The following TRIM36 variants were observed in gnomAD, a reference collection of about 807,000 sequenced individuals.
The protein encoded by TRIM36 is tripartite motif containing 36.
In TRIM36, 42 loss-of-function variants were observed where a neutral mutation model predicts 72.4. The ratio of observed to expected loss-of-function variants is 0.58; its 90% CI spans 0.45 to 0.75. TRIM36 has a LOEUF of 0.75. TRIM36 is among the 30% of genes least tolerant of loss of function. The pLI, the probability that TRIM36 is intolerant of heterozygous loss-of-function variation, is 0.00. For missense variants in TRIM36, 913 were observed against 857.1 expected (o/e 1.07, Z -0.81); for synonymous variants, 315 against 282.8 (o/e 1.11, Z -1.14).
intron 9 of TRIM36, among the ~76,000 whole-genome samples, chr5:115,128,096 G>GGC (rs1554060427): frequency 6.7e-6 from 1 of 148,410 alleles, no homozygotes; most frequent in African/African-American, 2.5e-5. Flanking sequence ...AATTGGGGGG[G>GGC]GCCAGGAGTG....
rs1287406833 is a variant in TRIM36 at position 115,130,896 on chromosome 5, G to A, written c.1499-7C>T. ...TCAAAGAGGAAGCTGAAAACTAAAT[G>A]GAGCTTAAAATTAATATCAGGCTAA... is the stretch of plus-strand genomic sequence containing the variant. On this transcript the variant is annotated splice_region_variant and splice_polypyrimidine_tract_variant and intron_variant, in intron 8 of 9. Transcript: ENST00000513154. 6.3e-7 allele frequency: 1 copy of A among 1,598,966 alleles called. No homozygotes were observed. The highest frequency in any genetic ancestry group is 8.5e-7 in the Non-Finnish European group (1 of 1,171,576).
chr5:115,126,927 A>G (rs1752389241), intron 9 of TRIM36, 70 bp from the exon 10 acceptor site: 36 of 1,398,494 alleles, frequency 2.6e-5, no homozygotes, highest in Non-Finnish European at 3.4e-5. Context: ...TTTTCACAGG[A>G]TAATATACAT....
intron 3 of TRIM36, among the ~76,000 whole-genome samples, chr5:115,145,921 G>T (rs938524914): frequency 1.3e-5 from 2 of 152,158 alleles, no homozygotes; most frequent in African/African-American, 4.8e-5. Flanking sequence ...ATATTCCATA[G>T]CATTTGCCTA....
intron 4 of TRIM36, among the ~76,000 whole-genome samples, chr5:115,144,092 T>G (rs1045608156): frequency 2.0e-5 from 3 of 151,988 alleles, no homozygotes; most frequent in African/African-American, 7.3e-5. Flanking sequence ...GCCAGGATGG[T>G]CTCGATCTCC....
At chr5:115,177,291 G>C (rs996915697) in intron 1 of TRIM36, 1 of 163,016 alleles carries the variant, frequency 6.1e-6, no homozygotes, top group Admixed American at 5.8e-5. Context: ...ATTATGTACA[G>C]AGCTTGAGAA....
At chr5:115,145,502 A>G (rs1469857156) in intron 3 of TRIM36, among the ~76,000 whole-genome samples, 2 of 151,172 alleles carry the variant, frequency 1.3e-5, no homozygotes, top group African/African-American at 4.9e-5. Flanking sequence ...AACTTGTCTG[A>G]TAACTTACAG....
intron 5 of TRIM36, among the ~76,000 whole-genome samples, chr5:115,139,084 G>A (rs1038272674): frequency 2.0e-5 from 3 of 151,814 alleles, no homozygotes; most frequent in Admixed American, 6.6e-5. Context: ...CTCTCAAAGT[G>A]CTGGGATTAC....
intron 5 of TRIM36, among the ~76,000 whole-genome samples, chr5:115,139,192 C>T (rs894553491): frequency 1.3e-5 from 2 of 150,930 alleles, no homozygotes; most frequent in Admixed American, 1.3e-4. Flanking sequence ...GTGATCTTGG[C>T]TCACTGCAAC....
At chr5:115,131,509 G>GT (rs1322232165) in intron 8 of TRIM36, among the ~76,000 whole-genome samples, 1 of 152,140 alleles carries the variant, frequency 6.6e-6, no homozygotes, top group African/African-American at 2.4e-5. Context: ...CCATAAGTCT[G>GT]TATCAACTCA....
chr5:115,166,961 C>T lies in TRIM36; in HGVS notation c.27+2647G>A, dbSNP rs114475919. Among the ~76,000 whole-genome samples the T allele has an allele frequency of 3.6e-3, 542 of 152,320 alleles. 2 individuals are homozygous for T. Among genetic ancestry groups the T allele is most frequent in the African/African-American group, 0.012 (497 of 41,562 alleles). On this transcript the variant is annotated intron_variant, in intron 1 of 9. Transcript: ENST00000513154. ...GCCTGGCTGTGCACACTGTACCCCG[C>T]GCTCGCTCACTCATGCACCCCTTGC...
intron 1 of TRIM36, chr5:115,177,997 TTTTG>T (rs1013866482): frequency 1.7e-5 from 16 of 959,954 alleles, no homozygotes; most frequent in Non-Finnish European, 2.3e-5. Context: ...TCTGAGAGGG[TTTTG>T]TTTTTGTTTA....
Position 115,126,707 on chromosome 5 carries a change from A to AG in TRIM36, c.1946dup (p.Met650TyrfsTer10). Reference sequence around the variant, plus strand: ...GGAAAATCCCAATACTTGTTGGCATAGGGAGAACTCTATTTTCAGGTTCAT... The same window carrying AG: ...GGAAAATCCCAATACTTGTTGGCATAGGGGAGAACTCTATTTTCAGGTTCAT... On this transcript the variant is annotated frameshift_variant, in exon 10 of 10. Transcript: ENST00000513154. LOFTEE classifies it high-confidence loss of function. 1.9e-6 allele frequency: 3 copies of AG among 1,614,222 alleles called. No homozygotes were observed. Among genetic ancestry groups the AG allele is most frequent in the Non-Finnish European group, 2.5e-6 (3 of 1,180,024 alleles).
At chr5:115,179,763 C>T (rs1482062947) in intron 1 of TRIM36, among the ~76,000 whole-genome samples, 1 of 152,282 alleles carries the variant, frequency 6.6e-6, no homozygotes, top group Non-Finnish European at 1.5e-5. Flanking sequence ...AAAGTCCCCT[C>T]TTGGCTTATT....
chr5:115,135,694 A>G (rs189824927), intron 7 of TRIM36, among the ~76,000 whole-genome samples: 453 of 152,286 alleles, frequency 3.0e-3, no homozygotes, highest in Non-Finnish European at 4.0e-3. Flanking sequence ...GCAAATATCT[A>G]TTTGTATATA....
At chr5:115,145,608 C>A (rs985710621) in intron 3 of TRIM36, among the ~76,000 whole-genome samples, 1 of 152,098 alleles carries the variant, frequency 6.6e-6, no homozygotes, top group Admixed American at 6.5e-5. Context: ...CTCACTGCAA[C>A]CTCCACCTCC....
chr5:115,145,435 T>C (rs539159048), intron 3 of TRIM36, among the ~76,000 whole-genome samples: 2 of 152,342 alleles, frequency 1.3e-5, no homozygotes, highest in Admixed American at 6.5e-5. Context: ...TAAGTTAGTA[T>C]GTTAATAAAA....
At chr5:115,131,274 C>T (rs1359409156) in intron 8 of TRIM36, among the ~76,000 whole-genome samples, 2 of 151,960 alleles carry the variant, frequency 1.3e-5, no homozygotes, top group Non-Finnish European at 2.9e-5. Flanking sequence ...TCTACATTTT[C>T]TTATTGAAAG....
chr5:115,160,214 C>A (rs1754406354), intron 2 of TRIM36, among the ~76,000 whole-genome samples: 1 of 151,872 alleles, frequency 6.6e-6, no homozygotes, highest in Non-Finnish European at 1.5e-5. Flanking sequence ...TTAAAAAAAA[C>A]TGTCAAAAAT....
chr5:115,135,777 A>C (rs1281261991), intron 7 of TRIM36, among the ~76,000 whole-genome samples: 1 of 152,204 alleles, frequency 6.6e-6, no homozygotes, highest in African/African-American at 2.4e-5. Flanking sequence ...GTGATGACAA[A>C]TATCTATTTG....
Sources: gnomAD v4.1 joint callset for allele counts (sites outside exome capture counted in the v4.1 genomes callset) on GRCh38, gnomAD v4.1.1 for gene constraint, MANE v1.5 for transcripts, NCBI Gene and HGNC (gene_info 2026-07-23, HGNC 2026-07-21) for gene names.